SLC35F1: variants seen among roughly 807,000 people sequenced by gnomAD.
SLC35F1 encodes the protein solute carrier family 35 member F1.
SLC35F1 carries 14 observed loss-of-function variants against 48.7 expected under a neutral mutation model. The observed-to-expected ratio is 0.29, with a 90% CI of 0.19 to 0.45. SLC35F1 has a LOEUF of 0.45. Among genes scored for constraint, SLC35F1 ranks in the 20% least tolerant of loss-of-function variants. SLC35F1 has a pLI of 1.00. For synonymous variants in SLC35F1, 190 were observed against 202.2 expected, an observed-to-expected ratio of 0.94 and a Z score of 0.51; for missense variants, 404 against 500.0, an observed-to-expected ratio of 0.81 and a Z score of 1.83.
At chr6:118,164,154 G>A (rs11970553) in intron 2 of SLC35F1, among the ~76,000 whole-genome samples, 21,957 of 152,150 alleles carry the variant, frequency 0.14, 1,655 homozygotes, top group South Asian at 0.34. Context: ...ATACTTGTTA[G>A]GACTTTTTAC....
intron 1 of SLC35F1, among the ~76,000 whole-genome samples, chr6:118,035,808 G>A (rs537547257): frequency 3.5e-4 from 49 of 138,212 alleles, no homozygotes; most frequent in African/African-American, 1.2e-3. Flanking sequence ...TCCTGCCTCA[G>A]CCCCCACATA....
chr6:117,939,354 C>A lies in SLC35F1; in HGVS notation c.173+31455C>A, dbSNP rs1162342454. ...AAAAAGCAGCGCTTAGCTCTATTTC[C>A]CAGACAGATCTGAGTCTGACTTCAC... On this transcript the variant is annotated intron_variant, in intron 1 of 7. Coordinates refer to ENST00000360388, the MANE Select transcript of SLC35F1 (RefSeq NM_001029858.4). 2.0e-5 allele frequency among the ~76,000 whole-genome samples: 3 copies of A among 152,210 alleles called. No individual in the cohort carries two copies. The East Asian group carries it at 5.8e-4, about 29-fold the overall frequency.
At chr6:118,233,071 T>C (rs1467029685) in intron 2 of SLC35F1, among the ~76,000 whole-genome samples, 3 of 152,090 alleles carry the variant, frequency 2.0e-5, no homozygotes, top group Non-Finnish European at 4.4e-5. Context: ...GTTCAAGTGA[T>C]TCTCCTGCCT....
At chr6:118,025,873 T>C (rs1771928264) in intron 1 of SLC35F1, among the ~76,000 whole-genome samples, 1 of 152,138 alleles carries the variant, frequency 6.6e-6, no homozygotes, top group African/African-American at 2.4e-5. Context: ...TACCTTGAAA[T>C]AAAATAGAGG....
intron 7 of SLC35F1, among the ~76,000 whole-genome samples, chr6:118,310,893 G>A (rs561651109): frequency 1.3e-5 from 2 of 152,270 alleles, no homozygotes; most frequent in Non-Finnish European, 2.9e-5. Flanking sequence ...TTACAATAGC[G>A]AGGGCATTAG....
At chr6:117,995,440 T>C (rs1404021073) in intron 1 of SLC35F1, among the ~76,000 whole-genome samples, 2 of 152,298 alleles carry the variant, frequency 1.3e-5, no homozygotes, top group Non-Finnish European at 2.9e-5. Flanking sequence ...ATTGAATGAA[T>C]GAAGCCATGA....
rs947924145 is a variant in SLC35F1 at position 117,908,377 on chromosome 6, C to CG, written c.173+483dup. On this transcript the variant is annotated intron_variant, in intron 1 of 7. Coordinates refer to ENST00000360388, the MANE Select transcript of SLC35F1 (RefSeq NM_001029858.4). ...CCGCCCGGGGGCTTCGACCCCTTGC[C>CG]GGGGGAATGGGGTCGCAGCGACAGC... Among the ~76,000 whole-genome samples, 5 of 152,296 alleles carry CG rather than the reference C, an allele frequency of 3.3e-5. No individual in the cohort carries two copies. In the South Asian group the frequency reaches 1.0e-3, roughly 32 times the overall value.
chr6:117,919,667 A>C (rs1775871617), intron 1 of SLC35F1, among the ~76,000 whole-genome samples: 1 of 152,200 alleles, frequency 6.6e-6, no homozygotes, highest in African/African-American at 2.4e-5. Flanking sequence ...CAATGTGTTC[A>C]TGTTTGTTTA....
chr6:118,233,517 A>G (rs1775323384), intron 2 of SLC35F1, among the ~76,000 whole-genome samples: 1 of 152,222 alleles, frequency 6.6e-6, no homozygotes, highest in South Asian at 2.1e-4. Flanking sequence ...CTCTTGACAT[A>G]TTCAGACAGT....
intron 1 of SLC35F1, among the ~76,000 whole-genome samples, chr6:118,144,176 T>C (rs1197296237): frequency 6.6e-6 from 1 of 152,154 alleles, no homozygotes; most frequent in Non-Finnish European, 1.5e-5. Context: ...AGCAATGATA[T>C]GGAATCAACC....
At chr6:118,185,480 C>G (rs1490682434) in intron 2 of SLC35F1, among the ~76,000 whole-genome samples, 1 of 152,150 alleles carries the variant, frequency 6.6e-6, no homozygotes, top group African/African-American at 2.4e-5. Context: ...AAAACAGTAT[C>G]TAGCCACGAA....
At chr6:118,311,636 C>T (rs1776373041) in intron 7 of SLC35F1, among the ~76,000 whole-genome samples, 1 of 152,042 alleles carries the variant, frequency 6.6e-6, no homozygotes, top group African/African-American at 2.4e-5. Context: ...ACAAAAAATA[C>T]AAAAATTAGC....
intron 1 of SLC35F1, among the ~76,000 whole-genome samples, chr6:117,936,352 G>C (rs1429542023): frequency 6.6e-6 from 1 of 152,166 alleles, no homozygotes; most frequent in African/African-American, 2.4e-5. Flanking sequence ...TTGGTGGTAG[G>C]ATTATAGAAG....
At chr6:118,283,109 C>G (rs562156108) in intron 6 of SLC35F1, among the ~76,000 whole-genome samples, 1 of 152,362 alleles carries the variant, frequency 6.6e-6, no homozygotes, top group East Asian at 1.9e-4. Context: ...AATTTTCCAG[C>G]TTCCTCTGCC....
At chr6:117,977,523 T>G (rs1403167040) in intron 1 of SLC35F1, among the ~76,000 whole-genome samples, 4 of 152,266 alleles carry the variant, frequency 2.6e-5, no homozygotes, top group African/African-American at 9.6e-5. Flanking sequence ...AGTTAGCTAT[T>G]TTCTGTGTTC....
intron 4 of SLC35F1, among the ~76,000 whole-genome samples, chr6:118,274,234 T>C (rs1332975170): frequency 1.3e-5 from 2 of 152,122 alleles, no homozygotes. Context: ...CAGAGACCAC[T>C]TGGGTACAGA....
chr6:118,175,373 A>G (rs1439995682), intron 2 of SLC35F1, among the ~76,000 whole-genome samples: 1 of 152,134 alleles, frequency 6.6e-6, no homozygotes, highest in East Asian at 1.9e-4. Context: ...CTCACTGGCA[A>G]TAAAAATAAG....
At chr6:118,246,962 A>G (rs770245233) in intron 3 of SLC35F1, among the ~76,000 whole-genome samples, 1 of 152,150 alleles carries the variant, frequency 6.6e-6, no homozygotes, top group Non-Finnish European at 1.5e-5. Context: ...TCCATATGAT[A>G]GTCAGATGGC....
intron 2 of SLC35F1, among the ~76,000 whole-genome samples, chr6:118,191,378 G>A (rs575113639): frequency 6.6e-5 from 10 of 152,210 alleles, no homozygotes; most frequent in Non-Finnish European, 1.0e-4. Flanking sequence ...GTTCATAGAG[G>A]CATAAACGAA....
Sources: gnomAD v4.1 joint callset for allele counts (sites outside exome capture counted in the v4.1 genomes callset) on GRCh38, gnomAD v4.1.1 for gene constraint, MANE v1.5 for transcripts, NCBI Gene and HGNC (gene_info 2026-07-23, HGNC 2026-07-21) for gene names.